Variants in SPECC1 observed in about 807,000 individuals in gnomAD.
SPECC1 encodes sperm antigen with calponin homology and coiled-coil domains 1, also known as cytospin-B.
In SPECC1, 62 loss-of-function variants were observed where a neutral mutation model predicts 104.1. The observed-to-expected ratio is 0.60, with a 90% confidence interval of 0.49 to 0.74. SPECC1 has a LOEUF of 0.74. SPECC1 is among the 30% of genes least tolerant of loss of function. The pLI is 0.00. For synonymous variants in SPECC1, 513 were observed against 501.6 expected (o/e 1.02, Z -0.30); for missense variants, 1,306 against 1,310.5 (o/e 1.00, Z 0.05).
rs199565191 is a variant in SPECC1, at chr17:20,194,501, A to AATT, written c.284-9831_284-9829dup. 2.0e-3 allele frequency among the ~76,000 whole-genome samples: 134 copies of AATT among 68,100 alleles called. 13 individuals carry two copies. In the South Asian group the frequency reaches 0.02, roughly 10 times the overall value. The allele number at this position is 68,100 out of a possible 152,430, so 44.7% of individuals were successfully genotyped here. A position where few individuals can be genotyped will look rare whatever the true frequency, so the allele number is the denominator to read the frequency against. Reference sequence around the variant, plus strand: ...TTGTGTTCTGTTAGAAAAGAGAACGAATTTTTTTTTTTTTTTTTTTTTTTG... The same window carrying AATT: ...TTGTGTTCTGTTAGAAAAGAGAACGAATTATTTTTTTTTTTTTTTTTTTTTTTG... On this transcript the variant is annotated intron_variant, in intron 3 of 14. Coordinates refer to ENST00000395527, the MANE Select transcript of SPECC1 (RefSeq NM_001243439.2).
chr17:20,127,639 G>A (rs1178506482), intron 3 of SPECC1, among the ~76,000 whole-genome samples: 1 of 152,128 alleles, frequency 6.6e-6, no homozygotes, highest in Non-Finnish European at 1.5e-5. Flanking sequence ...GTCGAAGGAA[G>A]AGGAAAAATT....
chr17:20,067,831 C>G (rs143998954), intron 1 of SPECC1, among the ~76,000 whole-genome samples: 1 of 152,116 alleles, frequency 6.6e-6, no homozygotes, highest in Admixed American at 6.5e-5. Context: ...CATTACCCCC[C>G]CGCCCCGAAA....
rs184421780 is a variant in SPECC1 at position 20,231,930 on chromosome 17, C to G, written c.2145+99C>G. Reference sequence around the variant, plus strand: ...TATCCTGCTTTCTCTTGGAACGTTTCCACGGCATGGTGGGCCCTGGAACTG... The same window carrying G: ...TATCCTGCTTTCTCTTGGAACGTTTGCACGGCATGGTGGGCCCTGGAACTG... On this transcript the variant is annotated intron_variant, in intron 6 of 14. Coordinates refer to ENST00000395527, the MANE Select transcript of SPECC1 (RefSeq NM_001243439.2). 2.8e-3 allele frequency: 3,656 copies of G among 1,292,978 alleles called. 6 individuals carry two copies. The highest frequency in any genetic ancestry group is 3.8e-3 in the Non-Finnish European group (3,446 of 897,680). 80.1% of individuals were successfully genotyped at this position (1,292,978 alleles called of 1,614,324 possible).
At chr17:20,065,832 G>A (rs530483322) in intron 1 of SPECC1, among the ~76,000 whole-genome samples, 7 of 152,180 alleles carry the variant, frequency 4.6e-5, no homozygotes, top group African/African-American at 7.2e-5. Context: ...TCTTGGGCAC[G>A]TGAAAGGACA....
intron 1 of SPECC1, among the ~76,000 whole-genome samples, chr17:20,023,602 G>A (rs140868630): frequency 6.6e-6 from 1 of 152,186 alleles, no homozygotes; most frequent in Non-Finnish European, 1.5e-5. Flanking sequence ...AAGAGGGCGA[G>A]GCAGGATAAT....
intron 1 of SPECC1, among the ~76,000 whole-genome samples, chr17:20,072,952 A>G (rs1477325288): frequency 6.6e-6 from 1 of 152,002 alleles, no homozygotes; most frequent in Non-Finnish European, 1.5e-5. Context: ...AGTAGATCCC[A>G]TTGTCACTGG....
Position 20,096,647 on chromosome 17 carries a change from C to T in SPECC1, c.-5C>T, listed in dbSNP as rs2047659064. On this transcript the variant is annotated 5_prime_UTR_variant, in exon 2 of 15. Coordinates refer to ENST00000395527, the MANE Select transcript of SPECC1 (RefSeq NM_001243439.2). ...CTTTTGCAGGACAGACCCACGAAGT[C>T]AAGCATGCGGAGTGCAGCCAAGCCC... The T allele has an allele frequency of 1.2e-6, 2 of 1,607,798 alleles. No individual in the cohort carries two copies. Among genetic ancestry groups the T allele is most frequent in the Non-Finnish European group, 1.7e-6 (2 of 1,176,050 alleles).
chr17:20,223,568 G>T (rs1197751950), intron 4 of SPECC1, among the ~76,000 whole-genome samples: 1 of 151,902 alleles, frequency 6.6e-6, no homozygotes, highest in Non-Finnish European at 1.5e-5. Context: ...AGCTACTCAG[G>T]AGGCTGAGGC....
Position 20,191,745 on chromosome 17 carries a change from G to A in SPECC1, c.284-12588G>A, listed in dbSNP as rs181735016. Among the ~76,000 whole-genome samples, 3 of 152,046 alleles carry A rather than the reference G, an allele frequency of 2.0e-5. No individual in the cohort carries two copies. The East Asian group carries it at 5.8e-4, about 29-fold the overall frequency. On this transcript the variant is annotated intron_variant, in intron 3 of 14. Coordinates refer to ENST00000395527, the MANE Select transcript of SPECC1 (RefSeq NM_001243439.2). ...CTCCTACTTATGAGAAAGAACATGCGATGTTTGGTTTTCTGTATATACCCC... is the reference window on the plus strand; with the variant it reads ...CTCCTACTTATGAGAAAGAACATGCAATGTTTGGTTTTCTGTATATACCCC...
chr17:20,024,518 T>A (rs1000764587), intron 1 of SPECC1, among the ~76,000 whole-genome samples: 1 of 152,230 alleles, frequency 6.6e-6, no homozygotes, highest in Admixed American at 6.5e-5. Flanking sequence ...TTTCTCTTTA[T>A]CCTCTGATTC....
At chr17:20,308,921 G>A (rs1361242193) in intron 14 of SPECC1, among the ~76,000 whole-genome samples, 2 of 152,146 alleles carry the variant, frequency 1.3e-5, no homozygotes, top group African/African-American at 4.8e-5. Flanking sequence ...TTGTAGTGTT[G>A]TAATTAATAT....
chr17:20,023,738 G>A (rs138920190), intron 1 of SPECC1, among the ~76,000 whole-genome samples: 404 of 152,028 alleles, frequency 2.7e-3, no homozygotes, highest in Non-Finnish European at 5.1e-3. Flanking sequence ...ATCCACACGT[G>A]GAATCGTGAA....
intron 1 of SPECC1, among the ~76,000 whole-genome samples, chr17:20,050,632 C>T (rs1179032965): frequency 6.6e-6 from 1 of 152,154 alleles, no homozygotes; most frequent in African/African-American, 2.4e-5. Flanking sequence ...ATTGATTTTG[C>T]TGAAAGAAGT....
rs9897924 is a variant in SPECC1, at chr17:20,054,682, G to C, written c.-21-41949G>C. Reference sequence around the variant, plus strand: ...TGTTTGATATTCTTTTTCTTTTTTTGGGGGGGGTGGTGTCTTGCTCTGTCA... The same window carrying C: ...TGTTTGATATTCTTTTTCTTTTTTTCGGGGGGGTGGTGTCTTGCTCTGTCA... On this transcript the variant is annotated intron_variant, in intron 1 of 14. Coordinates refer to ENST00000395527, the MANE Select transcript of SPECC1 (RefSeq NM_001243439.2). 4.0e-5 allele frequency among the ~76,000 whole-genome samples: 6 copies of C among 150,674 alleles called. No homozygotes were observed. In the South Asian group the frequency reaches 6.3e-4, roughly 16 times the overall value.
chr17:20,101,970 C>T (rs1331776444), intron 2 of SPECC1, among the ~76,000 whole-genome samples: 1 of 152,214 alleles, frequency 6.6e-6, no homozygotes, highest in Admixed American at 6.5e-5. Context: ...GGCATTTGAA[C>T]TTTTTCCTTT....
chr17:20,150,385 A>G (rs115162132), intron 3 of SPECC1, among the ~76,000 whole-genome samples: 3,831 of 150,916 alleles, frequency 0.025, 142 homozygotes, highest in East Asian at 0.083. Context: ...AGCTGGGATC[A>G]TCCCTGCACT....
At chr17:20,253,016 C>G (rs1236938570) in intron 9 of SPECC1, among the ~76,000 whole-genome samples, 2 of 151,770 alleles carry the variant, frequency 1.3e-5, no homozygotes, top group Non-Finnish European at 2.9e-5. Context: ...TTCTCTACCT[C>G]CTCACCAATA....
At chr17:20,119,759 T>C (rs1429474923) in intron 3 of SPECC1, among the ~76,000 whole-genome samples, 1 of 152,238 alleles carries the variant, frequency 6.6e-6, no homozygotes. Context: ...CATTTCAATA[T>C]TTGATTGCAT....
chr17:20,300,073 A>G (rs1306022671), intron 13 of SPECC1, among the ~76,000 whole-genome samples: 1 of 152,250 alleles, frequency 6.6e-6, no homozygotes, highest in African/African-American at 2.4e-5. Context: ...TAACCACATC[A>G]TGTGTGGCTG....
Sources: allele counts gnomAD v4.1 joint callset (sites outside exome capture counted in the v4.1 genomes callset), GRCh38; gene constraint gnomAD v4.1.1; transcripts MANE v1.5; gene names NCBI Gene and HGNC (gene_info 2026-07-23, HGNC 2026-07-21).